Variants in DNAH10 observed in about 807,000 individuals in gnomAD.
DNAH10 encodes axonemal beta dynein heavy chain 10.
A neutral mutation model predicts 506.6 loss-of-function variants in DNAH10; 348 were observed. The observed-to-expected ratio is 0.69, with a 90% confidence interval of 0.63 to 0.75. DNAH10 has a LOEUF of 0.75. DNAH10 is among the 30% of genes least tolerant of loss of function. The pLI is 0.00. For synonymous variants in DNAH10, 2,059 were observed against 2,198.6 expected (o/e 0.94, Z 1.78); for missense variants, 5,179 against 5,787.1 (o/e 0.89, Z 3.41).
chr12:123,839,227 A>AC (rs1170880763), intron 29 of DNAH10, among the ~76,000 whole-genome samples: 1 of 149,658 alleles, frequency 6.7e-6, no homozygotes, highest in Non-Finnish European at 1.5e-5. Flanking sequence ...AAAAAAAAAA[A>AC]AAAACAAAAA....
At chr12:123,772,384 C>CCGGTTCTGAA (rs1373903811) in intron 3 of DNAH10, among the ~76,000 whole-genome samples, 2 of 152,190 alleles carry the variant, frequency 1.3e-5, no homozygotes, top group African/African-American at 2.4e-5. Flanking sequence ...GAGCCGAAGG[C>CCGGTTCTGAA]CGGTTCTGAA....
chr12:123,866,497 CCT>C (rs1431572511), intron 41 of DNAH10, among the ~76,000 whole-genome samples: 2 of 152,074 alleles, frequency 1.3e-5, no homozygotes, highest in African/African-American at 4.8e-5. Flanking sequence ...CCCGCCTCAG[CCT>C]CCCAAAGTGC....
intron 52 of DNAH10, among the ~76,000 whole-genome samples, chr12:123,890,296 G>A (rs1952923035): frequency 6.6e-6 from 1 of 151,906 alleles, no homozygotes; most frequent in Non-Finnish European, 1.5e-5. Flanking sequence ...TCAGAGACAG[G>A]GTCTTACTCT....
At chr12:123,901,359 C>T (rs1011343569) in intron 56 of DNAH10, among the ~76,000 whole-genome samples, 1 of 152,234 alleles carries the variant, frequency 6.6e-6, no homozygotes, top group Non-Finnish European at 1.5e-5. Context: ...GTTCCACACT[C>T]GTGATCTTGC....
intron 21 of DNAH10, among the ~76,000 whole-genome samples, chr12:123,814,917 T>G (rs935697942): frequency 3.3e-5 from 5 of 152,176 alleles, no homozygotes; most frequent in Non-Finnish European, 7.4e-5. Context: ...GCGCCCGGCC[T>G]AGCCAGGTAG....
chr12:123,900,456 C>T (rs1953468433), intron 56 of DNAH10, among the ~76,000 whole-genome samples: 1 of 152,198 alleles, frequency 6.6e-6, no homozygotes, highest in African/African-American at 2.4e-5. Context: ...AAGAGAGCCC[C>T]TCCCCCGGTG....
chr12:123,797,695 C>T (rs1241320451), intron 13 of DNAH10, among the ~76,000 whole-genome samples: 1 of 152,174 alleles, frequency 6.6e-6, no homozygotes. Flanking sequence ...CTGCACCTGG[C>T]CTGTGTTCTT....
In DNAH10 at chr12:123,846,612, G is replaced by A. The variant is rs184546259; in HGVS notation, c.5814+458G>A. ...AACACTTCCATCCAGGCAGAGCTTG[G>A]GAAGGTTTGCAAGCAACCCCCAAGA... On this transcript the variant is annotated intron_variant, in intron 32 of 78. Coordinates refer to ENST00000673944, the MANE Select transcript of DNAH10 (RefSeq NM_001372106.1). The surrounding 1 kb of genome is among the most constrained non-coding windows in gnomAD (Gnocchi z 4.5). Among the ~76,000 whole-genome samples, 135 of 152,256 alleles carry A rather than the reference G, an allele frequency of 8.9e-4. No homozygotes were observed. The highest frequency in any genetic ancestry group is 6.8e-3 in the Middle Eastern group (2 of 294).
At position 123,909,107 on chromosome 12, in the gene DNAH10, G is replaced by A. The variant is rs185990882; in HGVS notation, c.9816-154G>A. ...CTTAGGGACGCTCCCGCCCAGGAGT[G>A]CGGTTTGTGTTGGGACCTGGCTTCT... On this transcript the variant is annotated intron_variant, in intron 57 of 78. Coordinates refer to ENST00000673944, the MANE Select transcript of DNAH10 (RefSeq NM_001372106.1). This position sits in a 1 kb window ranked among gnomAD's most constrained non-coding sequence, Gnocchi z 5.4. Among the ~76,000 whole-genome samples the A allele has an allele frequency of 8.5e-5, 13 of 152,292 alleles. No individual in the cohort carries two copies. The highest frequency in any genetic ancestry group is 7.2e-4 in the Admixed American group (11 of 15,302).
At chr12:123,818,835 C>T (rs541403992) in intron 21 of DNAH10, 115 bp from the exon 22 acceptor site, 1 of 690,656 alleles carries the variant, frequency 1.4e-6, no homozygotes, top group Middle Eastern at 3.7e-4. Context: ...GTTTGAATTA[C>T]CTAGCCTCCT....
At chr12:123,885,250 T>C (rs1952679956) in intron 51 of DNAH10, among the ~76,000 whole-genome samples, 1 of 152,244 alleles carries the variant, frequency 6.6e-6, no homozygotes, top group Non-Finnish European at 1.5e-5. Context: ...GTTAAAGTTA[T>C]ATGTAACTTA....
At chr12:123,871,414 A>G (rs1165071788) in intron 44 of DNAH10, 43 bp from the exon 45 acceptor site, 15 of 1,569,444 alleles carry the variant, frequency 9.6e-6, no homozygotes, top group Admixed American at 1.9e-5. Context: ...TGCTCACCCT[A>G]TTGGAGTTGC....
In DNAH10 at chr12:123,785,680, G is replaced by A. The variant is rs1957821816; in HGVS notation, c.1231-66G>A. On this transcript the variant is annotated intron_variant, in intron 8 of 78. Coordinates refer to ENST00000673944, the MANE Select transcript of DNAH10 (RefSeq NM_001372106.1). The surrounding 1 kb of genome is among the most constrained non-coding windows in gnomAD (Gnocchi z 4.1). ...GAGTGAAACTTCTTGCATGCTTACT[G>A]TTTTATGAAACTATTTGGACCCCAA... 8.7e-7 allele frequency: 1 copy of A among 1,150,066 alleles called. No homozygotes were observed. Among genetic ancestry groups the A allele is most frequent in the East Asian group, 2.6e-5 (1 of 39,134 alleles). 71.2% of individuals were successfully genotyped at this position (1,150,066 alleles called of 1,614,324 possible).
chr12:123,872,379 G>T (rs996681641), intron 45 of DNAH10, among the ~76,000 whole-genome samples: 6 of 152,108 alleles, frequency 3.9e-5, no homozygotes, highest in Non-Finnish European at 7.3e-5. Flanking sequence ...GGACCTGCAG[G>T]TTTGTGGAGT....
intron 52 of DNAH10, among the ~76,000 whole-genome samples, chr12:123,891,498 C>T (rs540474226): frequency 6.6e-6 from 1 of 152,128 alleles, no homozygotes; most frequent in South Asian, 2.1e-4. Context: ...GTGGTGGGAC[C>T]CGAGTGAACC....
At chr12:123,795,551 T>C (rs1212607489) in intron 12 of DNAH10, among the ~76,000 whole-genome samples, 2 of 152,200 alleles carry the variant, frequency 1.3e-5, no homozygotes, top group African/African-American at 4.8e-5. Context: ...CTTTTCTGCC[T>C]CCTCCTTCCT....
rs750992964 is a variant in DNAH10, at chr12:123,875,275, G to T, written c.7983G>T (p.Leu2661=). Residue 2661 remains leucine, a synonymous_variant, in exon 47 of 79, where the codon CTG becomes CTT. Transcript: ENST00000673944. ...GTQQPIALLK[L]LLEKGYLYDR... is the part of the protein sequence containing the mutation. ...AGCAGCCCATTGCCTTGCTGAAGCT[G>T]CTGTTGGAAAAAGGCTACTTATATG... is the stretch of plus-strand genomic sequence containing the variant. 3 of 1,612,634 alleles carry T rather than the reference G, an allele frequency of 1.9e-6. No homozygotes were observed. The African/African-American group carries it at 4.0e-5, about 22-fold the overall frequency.
In DNAH10 at chr12:123,926,697, G is replaced by A. The variant is rs1954960170; in HGVS notation, c.11982G>A (p.Ser3994=). The A allele has an allele frequency of 3.1e-6, 5 of 1,613,950 alleles. No individual in the cohort carries two copies. The highest frequency in any genetic ancestry group is 1.6e-4 in the Middle Eastern group (1 of 6,062). ...TTTTTGAGCAGAGCACTCCACATTC[G>A]CCCATTGTGTTTATCCTGAGTCCTG... The part of the protein sequence containing the change: ...EAIFEQSTPH[S]PIVFILSPGS... The change falls in exon 69 of 79, where the codon TCG becomes TCA. Residue 3994 remains serine, a synonymous_variant. Coordinates refer to ENST00000673944, the MANE Select transcript of DNAH10 (RefSeq NM_001372106.1). The surrounding 1 kb of genome is among the most constrained non-coding windows in gnomAD (Gnocchi z 4.1).
rs146966029 is a variant in DNAH10, at chr12:123,817,067, T to G, written c.3781-1883T>G. Among the ~76,000 whole-genome samples the G allele has an allele frequency of 1.7e-3, 252 of 152,240 alleles. 2 individuals are homozygous for G. The highest frequency in any genetic ancestry group is 5.7e-3 in the African/African-American group (237 of 41,558). The stretch of plus-strand genomic sequence containing the variant: ...ACGGAGGAGTTGACTGTTAATCTTT[T>G]TGTTGCTCCCTTTCAAGGTAGTCCA... On this transcript the variant is annotated intron_variant, in intron 21 of 78. Transcript: ENST00000673944.
Sources: allele counts gnomAD v4.1 joint callset (sites outside exome capture counted in the v4.1 genomes callset), GRCh38; gene constraint gnomAD v4.1.1; non-coding constraint Gnocchi (gnomAD v3.1); transcripts MANE v1.5; gene names NCBI Gene and HGNC (gene_info 2026-07-23, HGNC 2026-07-21).